NEDD4L: variants seen among roughly 807,000 people sequenced by gnomAD.
NEDD4L encodes the protein E3 ubiquitin-protein ligase NEDD4-like.
A neutral mutation model predicts 148.9 loss-of-function variants in NEDD4L; 54 were observed. The ratio of observed to expected loss-of-function variants is 0.36; its 90% CI spans 0.29 to 0.45. The LOEUF is 0.45. NEDD4L is among the 20% of genes least tolerant of loss of function. NEDD4L has a pLI of 1.00. For synonymous variants in NEDD4L, 433 were observed against 440.7 expected (o/e 0.98, Z 0.22); for missense variants, 856 against 1,233.8 (o/e 0.69, Z 4.59).
intron 1 of NEDD4L, among the ~76,000 whole-genome samples, chr18:58,059,885 A>G (rs1281680252): frequency 6.6e-6 from 1 of 152,212 alleles, no homozygotes; most frequent in Non-Finnish European, 1.5e-5. Context: ...ACAAACAGAT[A>G]CAATTTTCAT....
chr18:58,366,480 G>A lies in NEDD4L; in HGVS notation c.2063+252G>A, dbSNP rs111995166. The A allele has an allele frequency of 2.0e-5, 7 of 357,398 alleles. No homozygotes were observed. Among genetic ancestry groups the A allele is most frequent in the African/African-American group, 1.0e-4 (5 of 48,098 alleles). 22.1% of individuals were successfully genotyped at this position (357,398 alleles called of 1,614,324 possible). A position where few individuals can be genotyped will look rare whatever the true frequency, so the allele number is the denominator to read the frequency against. ...GGTTCATGGAGTTGAAATTGAAAAC[G>A]TGGATAATTATGATAAGGAACAGGA... On this transcript the variant is annotated intron_variant, in intron 21 of 30. Transcript: ENST00000400345. The surrounding 1 kb of genome is among the most constrained non-coding windows in gnomAD (Gnocchi z 4.2).
At chr18:58,356,693 C>T (rs1239620411) in intron 18 of NEDD4L, among the ~76,000 whole-genome samples, 5 of 151,982 alleles carry the variant, frequency 3.3e-5, no homozygotes, top group East Asian at 1.9e-4. Context: ...ATATGAGTGA[C>T]GCATGTAATA....
rs1336163861 is a variant in NEDD4L at position 58,212,959 on chromosome 18, GCT to G, written c.123-32467_123-32466del. The stretch of plus-strand genomic sequence containing the variant: ...AATACACAGATAACAAATGCAGACA[GCT>G]AGCTGGCAAACCTATGAAAAATAGT... On this transcript the variant is annotated intron_variant, in intron 2 of 30. Coordinates refer to ENST00000400345, the MANE Select transcript of NEDD4L (RefSeq NM_001144967.3). Among the ~76,000 whole-genome samples the G allele has an allele frequency of 9.6e-4, 48 of 49,980 alleles. No individual in the cohort carries two copies. The African/African-American group carries it at 9.9e-3, about 10-fold the overall frequency. The allele number at this position is 49,980 out of a possible 152,430, so 32.8% of individuals were successfully genotyped here. A position where few individuals can be genotyped will look rare whatever the true frequency, so the allele number is the denominator to read the frequency against.
chr18:58,207,633 C>T (rs2042108945), intron 2 of NEDD4L, among the ~76,000 whole-genome samples: 1 of 152,146 alleles, frequency 6.6e-6, no homozygotes, highest in Non-Finnish European at 1.5e-5. Flanking sequence ...GACTTAGTAG[C>T]GGCAGTACCA....
intron 1 of NEDD4L, among the ~76,000 whole-genome samples, chr18:58,132,746 G>A (rs2032332524): frequency 2.6e-5 from 4 of 152,180 alleles, no homozygotes; most frequent in Non-Finnish European, 4.4e-5. Context: ...TGAGCATTCC[G>A]TGTTATTCTC....
intron 25 of NEDD4L, 26 bp from the exon 26 acceptor site, chr18:58,385,500 C>T (rs756581123): frequency 6.3e-7 from 1 of 1,597,754 alleles, no homozygotes; most frequent in East Asian, 2.2e-5. Context: ...GGAGGTGGTT[C>T]AATATTGTCC....
At chr18:58,069,907 C>T (rs1221952238) in intron 1 of NEDD4L, among the ~76,000 whole-genome samples, 3 of 152,164 alleles carry the variant, frequency 2.0e-5, no homozygotes, top group East Asian at 3.9e-4. Context: ...CATTCCCGGC[C>T]CCTGACCACC....
At chr18:58,102,075 T>C (rs187206342) in intron 1 of NEDD4L, among the ~76,000 whole-genome samples, 87 of 152,300 alleles carry the variant, frequency 5.7e-4, no homozygotes, top group African/African-American at 1.9e-3. Flanking sequence ...ATCTTTTTTT[T>C]CCTCTGTTTT....
chr18:58,330,718 A>T lies in NEDD4L; in HGVS notation c.814-20A>T. ...CCTACTTCTTTCTAGTGTTTACCCC[A>T]GTGTCTCCTTCTCTGAAAGCCTTGG... On this transcript the variant is annotated intron_variant, in intron 10 of 30. Transcript: ENST00000400345. The T allele has an allele frequency of 6.5e-7, 1 of 1,533,796 alleles. No homozygotes were observed. Among genetic ancestry groups the T allele is most frequent in the Non-Finnish European group, 8.8e-7 (1 of 1,137,266 alleles).
intron 5 of NEDD4L, among the ~76,000 whole-genome samples, chr18:58,274,545 G>C (rs1317537699): frequency 6.6e-6 from 1 of 152,224 alleles, no homozygotes; most frequent in Non-Finnish European, 1.5e-5. Flanking sequence ...GGAGTTGAAA[G>C]AGTGGGTATT....
At chr18:58,313,754 T>C (rs967517859) in intron 5 of NEDD4L, among the ~76,000 whole-genome samples, 1 of 152,250 alleles carries the variant, frequency 6.6e-6, no homozygotes, top group Non-Finnish European at 1.5e-5. Context: ...CCATTAGTAC[T>C]GGGTGCCTGT....
intron 11 of NEDD4L, among the ~76,000 whole-genome samples, chr18:58,331,360 C>T (rs1393098353): frequency 2.0e-5 from 3 of 152,188 alleles, no homozygotes; most frequent in Non-Finnish European, 4.4e-5. Flanking sequence ...ATTCTCATTT[C>T]GCTGATAAGG....
At chr18:58,135,280 G>A (rs1210914559) in intron 1 of NEDD4L, among the ~76,000 whole-genome samples, 1 of 152,202 alleles carries the variant, frequency 6.6e-6, no homozygotes, top group African/African-American at 2.4e-5. Flanking sequence ...GAGAAGGGAC[G>A]ATGATGTGGC....
At chr18:58,121,169 A>G (rs111354505) in intron 1 of NEDD4L, among the ~76,000 whole-genome samples, 66 of 152,234 alleles carry the variant, frequency 4.3e-4, no homozygotes, top group African/African-American at 1.5e-3. Context: ...TGACCAAACC[A>G]TAACTGCTAG....
chr18:58,188,139 C>A (rs1889174927), intron 2 of NEDD4L, among the ~76,000 whole-genome samples: 1 of 152,210 alleles, frequency 6.6e-6, no homozygotes, highest in South Asian at 2.1e-4. Context: ...GATAGTCCAG[C>A]TGAGACCAGG....
chr18:58,321,671 T>C (rs1442213733), intron 6 of NEDD4L, among the ~76,000 whole-genome samples: 2 of 152,258 alleles, frequency 1.3e-5, no homozygotes, highest in African/African-American at 2.4e-5. Context: ...AGTAAATCAC[T>C]GGACTGGTTT....
rs1171077670 is a variant in NEDD4L at position 58,255,935 on chromosome 18, G to C, written c.297+3881G>C. 2.4e-6 allele frequency: 3 copies of C among 1,231,126 alleles called. No homozygotes were observed. In the African/African-American group the frequency reaches 4.7e-5, roughly 19 times the overall value. The allele number at this position is 1,231,126 out of a possible 1,614,324, so 76.3% of individuals were successfully genotyped here. ...CGTGCAGATCTCCCTGCAGCGCAAG[G>C]CCACGGACGGGGCCACGGACGGGTG... On this transcript the variant is annotated intron_variant, in intron 5 of 30. Coordinates refer to ENST00000400345, the MANE Select transcript of NEDD4L (RefSeq NM_001144967.3).
chr18:58,195,714 C>T (rs755825017), intron 2 of NEDD4L: 55 of 1,351,888 alleles, frequency 4.1e-5, no homozygotes, highest in Non-Finnish European at 4.8e-5. Flanking sequence ...TTCAGACGAG[C>T]TCTTCCTGCC....
chr18:58,223,169 A>G (rs2043960885), intron 2 of NEDD4L, among the ~76,000 whole-genome samples: 1 of 152,160 alleles, frequency 6.6e-6, no homozygotes, highest in Non-Finnish European at 1.5e-5. Context: ...AAGAGGAAGT[A>G]AACATCTGTA....
Sources: gnomAD v4.1 joint callset for allele counts (sites outside exome capture counted in the v4.1 genomes callset) on GRCh38, gnomAD v4.1.1 for gene constraint, Gnocchi (gnomAD v3.1) non-coding constraint, MANE v1.5 for transcripts, NCBI Gene and HGNC (gene_info 2026-07-23, HGNC 2026-07-21) for gene names.